GALNT9: variants seen among roughly 807,000 people sequenced by gnomAD.
GALNT9 encodes polypeptide N-acetylgalactosaminyltransferase 9.
Under a neutral mutation model 63.1 loss-of-function variants are expected in GALNT9, and 47 were observed. The observed-to-expected ratio is 0.75, with a 90% CI of 0.59 to 0.95. The LOEUF (loss-of-function observed/expected upper bound fraction) is 0.95, where lower values mean the gene tolerates loss of function less well. Among genes scored for constraint, GALNT9 ranks in the 40% least tolerant of loss-of-function variants. The pLI, the probability that GALNT9 is intolerant of heterozygous loss-of-function variation, is 0.00. For synonymous variants in GALNT9, 396 were observed against 365.7 expected (o/e 1.08, Z -0.94); for missense variants, 829 against 874.8 (o/e 0.95, Z 0.66).
At chr12:132,198,085 A>AC in intron 9 of GALNT9, 126 bp from the exon 10 acceptor site, 2 of 745,128 alleles carry the variant, frequency 2.7e-6, no homozygotes, top group Non-Finnish European at 4.3e-6. Flanking sequence ...GGAGCCTCCC[A>AC]CCCCGGGGAC....
intron 6 of GALNT9, among the ~76,000 whole-genome samples, chr12:132,217,274 C>CATCT (rs199739160): frequency 6.7e-6 from 1 of 150,372 alleles, no homozygotes; most frequent in African/African-American, 2.5e-5. Context: ...TTCACTCATC[C>CATCT]ATCTATCTAT....
intron 2 of GALNT9, among the ~76,000 whole-genome samples, chr12:132,271,790 C>T (rs542728763): frequency 3.9e-5 from 6 of 152,210 alleles, no homozygotes; most frequent in African/African-American, 7.2e-5. Context: ...AGCAGAGCCC[C>T]GCACAGAACG....
intron 6 of GALNT9, among the ~76,000 whole-genome samples, chr12:132,230,773 G>A (rs1593073626): frequency 6.6e-6 from 1 of 152,250 alleles, no homozygotes; most frequent in Non-Finnish European, 1.5e-5. Context: ...TGAGGTATGT[G>A]TTAACGGGGT....
chr12:132,328,665 C>G (rs1869148989), intron 1 of GALNT9, among the ~76,000 whole-genome samples: 1 of 152,188 alleles, frequency 6.6e-6, no homozygotes, highest in Non-Finnish European at 1.5e-5. Context: ...CTGCCTGCTT[C>G]TAGAGCAGCT....
chr12:132,321,985 A>C (rs28410680), intron 1 of GALNT9, among the ~76,000 whole-genome samples: 93,316 of 145,188 alleles, frequency 0.64, 30,075 homozygotes, highest in East Asian at 0.77. Flanking sequence ...TCGGCCCCCA[A>C]GGGGCGTCCT....
chr12:132,290,209 C>A (rs868914297), intron 1 of GALNT9, among the ~76,000 whole-genome samples: 6 of 152,136 alleles, frequency 3.9e-5, no homozygotes, highest in Non-Finnish European at 7.4e-5. Flanking sequence ...CTGTTCCCAG[C>A]CTGGACCTTG....
intron 5 of GALNT9, among the ~76,000 whole-genome samples, chr12:132,254,403 G>C (rs1879037801): frequency 1.3e-5 from 2 of 152,232 alleles, no homozygotes; most frequent in South Asian, 4.1e-4. Context: ...CTCAGTTTCA[G>C]CGATGATCAG....
intron 5 of GALNT9, among the ~76,000 whole-genome samples, chr12:132,249,537 A>AC (rs112361085): frequency 1.1e-4 from 17 of 152,232 alleles, no homozygotes; most frequent in African/African-American, 1.9e-4. Flanking sequence ...AAATTTTAAT[A>AC]CCCCCCCTTG....
chr12:132,248,912 G>C (rs1381371337), intron 5 of GALNT9, among the ~76,000 whole-genome samples: 1 of 152,086 alleles, frequency 6.6e-6, no homozygotes, highest in Non-Finnish European at 1.5e-5. Flanking sequence ...CAGGATCCGC[G>C]GAGCAGTGAA....
chr12:132,239,696 A>G (rs1375112230), intron 6 of GALNT9, among the ~76,000 whole-genome samples: 3 of 149,870 alleles, frequency 2.0e-5, no homozygotes, highest in African/African-American at 7.3e-5. Context: ...AGAGATACAG[A>G]CAGACTGAGA....
At chr12:132,304,365 A>G (rs1240091687) in intron 1 of GALNT9, among the ~76,000 whole-genome samples, 32 of 100,884 alleles carry the variant, frequency 3.2e-4, no homozygotes, top group South Asian at 1.2e-3. Flanking sequence ...ACCCGGGCAC[A>G]GCCTCACCCG....
At chr12:132,302,926 G>A (rs1881356023) in intron 1 of GALNT9, among the ~76,000 whole-genome samples, 1 of 151,976 alleles carries the variant, frequency 6.6e-6, no homozygotes, top group Non-Finnish European at 1.5e-5. Flanking sequence ...GGGCACAGTG[G>A]TCAGGTTTTC....
intron 1 of GALNT9, among the ~76,000 whole-genome samples, chr12:132,328,581 G>C (rs1220412738): frequency 6.6e-6 from 1 of 152,144 alleles, no homozygotes; most frequent in Non-Finnish European, 1.5e-5. Flanking sequence ...AGGGGTCGGC[G>C]CAGCCTAAAC....
chr12:132,203,381 C>G (rs1876340453), intron 7 of GALNT9, 124 bp downstream of exon 7: 1 of 793,650 alleles, frequency 1.3e-6, no homozygotes, highest in African/African-American at 1.8e-5. Flanking sequence ...CCTGTGCACA[C>G]CTGTCAACAC....
At chr12:132,318,692 G>A (rs541093237) in intron 1 of GALNT9, among the ~76,000 whole-genome samples, 16 of 152,252 alleles carry the variant, frequency 1.1e-4, no homozygotes, top group Non-Finnish European at 1.6e-4. Context: ...TGTGGCCAGC[G>A]TTGATGCACA....
intron 5 of GALNT9, 65 bp from the exon 6 acceptor site, chr12:132,248,092 A>G: frequency 1.3e-6 from 2 of 1,498,962 alleles, no homozygotes; most frequent in Non-Finnish European, 1.8e-6. Flanking sequence ...CTGCTGGGCC[A>G]TGAGCCAGGA....
chr12:132,270,509 C>T (rs570165683), intron 2 of GALNT9, among the ~76,000 whole-genome samples: 33 of 152,332 alleles, frequency 2.2e-4, no homozygotes, highest in African/African-American at 6.5e-4. Context: ...TGGCTTCACG[C>T]GTTAGCTCTT....
Position 132,304,708 on chromosome 12 carries a change from C to T in GALNT9, c.239-18278G>A, listed in dbSNP as rs1445994705. 1.0e-4 allele frequency among the ~76,000 whole-genome samples: 6 copies of T among 57,718 alleles called. 1 individual carries two copies. The highest frequency in any genetic ancestry group is 1.8e-3 in the South Asian group (2 of 1,130). 37.9% of individuals were successfully genotyped at this position (57,718 alleles called of 152,430 possible). A position where few individuals can be genotyped will look rare whatever the true frequency, so the allele number is the denominator to read the frequency against. ...ACACCCTCGCCCAGACACACCCTCA[C>T]CTGGGCACAGCCTCACCGGGGCACA... On this transcript the variant is annotated intron_variant, in intron 1 of 10. Transcript: ENST00000328957.
intron 6 of GALNT9, among the ~76,000 whole-genome samples, chr12:132,219,856 C>T (rs1161787725): frequency 6.7e-6 from 1 of 149,498 alleles, no homozygotes; most frequent in African/African-American, 2.5e-5. Flanking sequence ...AGGGTGACAC[C>T]CGCCCGGGAA....
Sources: gnomAD v4.1 joint callset for allele counts (sites outside exome capture counted in the v4.1 genomes callset) on GRCh38, gnomAD v4.1.1 for gene constraint, MANE v1.5 for transcripts, NCBI Gene and HGNC (gene_info 2026-07-23, HGNC 2026-07-21) for gene names.